The following CAMTA1 variants were observed in gnomAD, a reference collection of about 807,000 sequenced individuals.
The protein encoded by CAMTA1 is calmodulin binding transcription activator 1.
Under a neutral mutation model 170.9 loss-of-function variants are expected in CAMTA1, and 27 were observed. The ratio of observed to expected loss-of-function variants is 0.16; its 90% CI spans 0.12 to 0.22. The LOEUF (loss-of-function observed/expected upper bound fraction) is 0.22, where lower values mean the gene tolerates loss of function less well. Ranked by LOEUF, CAMTA1 falls within the 10% of genes least tolerant of loss-of-function variation. The probability of loss-of-function intolerance (pLI) is 1.00; values close to 1 mark genes in which losing one functional copy is unlikely to be tolerated. For missense variants in CAMTA1, 1,619 were observed against 2,217.2 expected, an observed-to-expected ratio of 0.73 and a Z score of 5.42; for synonymous variants, 833 against 891.5, an observed-to-expected ratio of 0.93 and a Z score of 1.17.
At chr1:7,653,109 C>T (rs1284337238) in intron 7 of CAMTA1, among the ~76,000 whole-genome samples, 4 of 152,096 alleles carry the variant, frequency 2.6e-5, no homozygotes, top group African/African-American at 9.7e-5. Context: ...CAGGTTGGGG[C>T]GGGGCCTGAG....
intron 4 of CAMTA1, among the ~76,000 whole-genome samples, chr1:7,215,271 G>C (rs1307316900): frequency 6.6e-6 from 1 of 151,686 alleles, no homozygotes; most frequent in Non-Finnish European, 1.5e-5. Flanking sequence ...TCTTCTTCTA[G>C]CTTTTTGAGC....
rs562888584 is a variant in CAMTA1 at position 7,523,481 on chromosome 1, G to T, written c.510+55580G>T. ...GTTGGGTCTTCCAATCCATGAAAAA[G>T]GTATGTGTCTCTTCATGTACTAGGT... is the stretch of plus-strand genomic sequence containing the variant. On this transcript the variant is annotated intron_variant, in intron 6 of 22. Coordinates refer to ENST00000303635, the MANE Select transcript of CAMTA1 (RefSeq NM_015215.4). Among the ~76,000 whole-genome samples, 3 of 152,244 alleles carry T rather than the reference G, an allele frequency of 2.0e-5. No homozygotes were observed. In the East Asian group the frequency reaches 5.8e-4, roughly 29 times the overall value.
At chr1:7,091,978 A>G (rs10864275) in intron 4 of CAMTA1, among the ~76,000 whole-genome samples, 11,692 of 152,320 alleles carry the variant, frequency 0.077, 549 homozygotes, top group African/African-American at 0.13. Context: ...CATCTTGTGA[A>G]CGGTGATGTT....
chr1:7,404,177 C>G (rs1054018319), intron 5 of CAMTA1, among the ~76,000 whole-genome samples: 5 of 152,218 alleles, frequency 3.3e-5, no homozygotes, highest in Admixed American at 6.5e-5. Flanking sequence ...CCGACACCAC[C>G]CACACTCTTG....
At chr1:7,149,836 G>A (rs564228777) in intron 4 of CAMTA1, among the ~76,000 whole-genome samples, 2 of 152,348 alleles carry the variant, frequency 1.3e-5, no homozygotes, top group South Asian at 4.1e-4. Context: ...AGACGTTGAA[G>A]ACAAATGTGT....
At chr1:7,506,591 G>A (rs909626933) in intron 6 of CAMTA1, among the ~76,000 whole-genome samples, 5 of 151,142 alleles carry the variant, frequency 3.3e-5, no homozygotes, top group African/African-American at 9.7e-5. Flanking sequence ...ACACTCACAC[G>A]CTCACACTCA....
chr1:6,862,359 T>C (rs1207648600), intron 3 of CAMTA1, among the ~76,000 whole-genome samples: 1 of 152,230 alleles, frequency 6.6e-6, no homozygotes, highest in Non-Finnish European at 1.5e-5. Flanking sequence ...TGTTAGCCTT[T>C]CCTGCCCTTT....
rs1338736419 is a variant in CAMTA1 at position 7,007,480 on chromosome 1, C to A, written c.235-83824C>A. 6.6e-6 allele frequency among the ~76,000 whole-genome samples: 1 copy of A among 152,162 alleles called. No homozygotes were observed. Among genetic ancestry groups the A allele is most frequent in the African/African-American group, 2.4e-5 (1 of 41,434 alleles). On this transcript the variant is annotated intron_variant, in intron 3 of 22. Transcript: ENST00000303635. This position sits in a 1 kb window ranked among gnomAD's most constrained non-coding sequence, Gnocchi z 4.5. ...CTTCCCTCGCCTCGAGAACCCCAAG[C>A]GAATTCCCACTTCCCACAGGAAGTA...
intron 4 of CAMTA1, among the ~76,000 whole-genome samples, chr1:7,210,432 G>A (rs12091963): frequency 3.0e-4 from 45 of 152,314 alleles, no homozygotes; most frequent in African/African-American, 9.6e-4. Context: ...CATCGTGTTA[G>A]AAGGTGCATG....
In CAMTA1 at chr1:7,103,779, AAC is replaced by A. The variant is rs1643144850; in HGVS notation, c.302+12409_302+12410del. ...ACACACATGCACACACAACACACATAACTACACGTACATACAACGCACATATA... is the reference window on the plus strand; with the variant it reads ...ACACACATGCACACACAACACACATATACACGTACATACAACGCACATATA... On this transcript the variant is annotated intron_variant, in intron 4 of 22. Coordinates refer to ENST00000303635, the MANE Select transcript of CAMTA1 (RefSeq NM_015215.4). 2.7e-5 allele frequency among the ~76,000 whole-genome samples: 4 copies of A among 149,916 alleles called. No homozygotes were observed. The South Asian group carries it at 6.4e-4, about 24-fold the overall frequency.
chr1:7,429,249 G>A (rs79690058), intron 5 of CAMTA1, among the ~76,000 whole-genome samples: 1 of 152,208 alleles, frequency 6.6e-6, no homozygotes, highest in East Asian at 1.9e-4. Flanking sequence ...GTGGTTGCGA[G>A]GTTGAAATGT....
chr1:7,661,917 T>A, intron 8 of CAMTA1, 51 bp downstream of exon 8: 4 of 1,548,880 alleles, frequency 2.6e-6, no homozygotes, highest in Non-Finnish European at 3.5e-6. Flanking sequence ...AGAGGGGCCC[T>A]ACCAGGCAGC....
chr1:6,947,960 T>C (rs1687844224), intron 3 of CAMTA1, among the ~76,000 whole-genome samples: 1 of 152,240 alleles, frequency 6.6e-6, no homozygotes, highest in Non-Finnish European at 1.5e-5. Flanking sequence ...GATCATCTCA[T>C]CTGTGAATTG....
chr1:6,948,730 T>C (rs1687960759), intron 3 of CAMTA1, among the ~76,000 whole-genome samples: 1 of 152,154 alleles, frequency 6.6e-6, no homozygotes, highest in Admixed American at 6.5e-5. Context: ...AGAAAATTGA[T>C]GCTTAGAGAG....
rs1371733788 is a variant in CAMTA1 at position 7,195,092 on chromosome 1, A to G, written c.303-54399A>G. 1.3e-5 allele frequency among the ~76,000 whole-genome samples: 2 copies of G among 152,204 alleles called. No homozygotes were observed. Among genetic ancestry groups the G allele is most frequent in the African/African-American group, 4.8e-5 (2 of 41,452 alleles). ...TTTAATGGTGAAAACAGCCAAACAC[A>G]CAAATAAGCAAACACGCACATAAAC... On this transcript the variant is annotated intron_variant, in intron 4 of 22. Coordinates refer to ENST00000303635, the MANE Select transcript of CAMTA1 (RefSeq NM_015215.4). The surrounding 1 kb of genome is among the most constrained non-coding windows in gnomAD (Gnocchi z 4.1).
At chr1:7,659,202 G>A (rs2095932558) in intron 7 of CAMTA1, among the ~76,000 whole-genome samples, 1 of 152,236 alleles carries the variant, frequency 6.6e-6, no homozygotes, top group Non-Finnish European at 1.5e-5. Flanking sequence ...AGGTATTCCT[G>A]CCAGATCCCA....
rs1340219600 is a variant in CAMTA1, at chr1:7,588,249, C to T, written c.511-52151C>T. On this transcript the variant is annotated intron_variant, in intron 6 of 22. Transcript: ENST00000303635. The surrounding 1 kb of genome is among the most constrained non-coding windows in gnomAD (Gnocchi z 5.8). ...CTCCTGTGGCCAGACAACCCCCGCC[C>T]CAGTTCTCACTGCCTCTGACACCCA... Among the ~76,000 whole-genome samples, 1 of 152,090 alleles carries T rather than the reference C, an allele frequency of 6.6e-6. No individual in the cohort carries two copies. The highest frequency in any genetic ancestry group is 2.4e-5 in the African/African-American group (1 of 41,342).
In CAMTA1 at chr1:7,769,357, C is replaced by A; in HGVS notation, c.*2866C>A. On this transcript the variant is annotated 3_prime_UTR_variant, in exon 23 of 23. Coordinates refer to ENST00000303635, the MANE Select transcript of CAMTA1 (RefSeq NM_015215.4). Reference sequence around the variant, plus strand: ...ATTCTATCTCCTGAAGATTTAATTGCTATTGTTACCCATTCGAAATCAGCT... The same window carrying A: ...ATTCTATCTCCTGAAGATTTAATTGATATTGTTACCCATTCGAAATCAGCT... 1.3e-5 allele frequency: 2 copies of A among 152,818 alleles called. 1 individual carries two copies. The highest frequency in any genetic ancestry group is 1.3e-4 in the Admixed American group (2 of 15,292). The allele number at this position is 152,818 out of a possible 1,614,324, so 9.5% of individuals were successfully genotyped here. A position where few individuals can be genotyped will look rare whatever the true frequency, so the allele number is the denominator to read the frequency against.
intron 3 of CAMTA1, among the ~76,000 whole-genome samples, chr1:6,827,964 C>T (rs1355789744): frequency 6.6e-6 from 1 of 152,118 alleles, no homozygotes; most frequent in Non-Finnish European, 1.5e-5. Flanking sequence ...CTGGAAGAGG[C>T]GTGTGGGAAT....
Sources: allele counts gnomAD v4.1 joint callset (sites outside exome capture counted in the v4.1 genomes callset), GRCh38; gene constraint gnomAD v4.1.1; non-coding constraint Gnocchi (gnomAD v3.1); transcripts MANE v1.5; gene names NCBI Gene and HGNC (gene_info 2026-07-23, HGNC 2026-07-21).